The following DMD variants were observed in gnomAD, a reference collection of about 807,000 sequenced individuals.
DMD encodes the protein dystrophin, also known as mutant dystrophin.
In DMD, 63 loss-of-function variants were observed where a neutral mutation model predicts 330.1. The ratio of observed to expected loss-of-function variants is 0.19; its 90% confidence interval spans 0.16 to 0.24. The LOEUF is 0.24. DMD is among the 10% of genes least tolerant of loss of function. The pLI is 1.00. For missense variants in DMD, 3,344 were observed against 2,684.1 expected, an observed-to-expected ratio of 1.25 and a Z score of -5.43; for synonymous variants, 1,223 against 959.8, an observed-to-expected ratio of 1.27 and a Z score of -5.07.
At chrX:33,030,332 G>A (rs6628766) in intron 1 of DMD, among the ~76,000 whole-genome samples, 17,019 of 111,007 alleles carry the variant, frequency 0.15, 1,267 homozygotes, top group African/African-American at 0.28. Flanking sequence ...TTCTCGATTT[G>A]AAAGATAAAA....
Position 31,906,703 on chromosome X carries a change from T to A in DMD, c.6912+22893A>T, listed in dbSNP as rs569007866. On this transcript the variant is annotated intron_variant, in intron 47 of 78. Transcript: ENST00000357033. ...CTGTACAGTGAATTTTCCAGAGATA[T>A]CCTTGTATAACATAAGTCATCTAGT... 1.4e-4 allele frequency among the ~76,000 whole-genome samples: 15 copies of A among 110,981 alleles called. No homozygotes were observed. In the South Asian group the frequency reaches 5.5e-3, roughly 41 times the overall value.
intron 1 of DMD, among the ~76,000 whole-genome samples, chrX:33,233,736 G>A (rs1043539040): frequency 9.0e-5 from 10 of 111,498 alleles, no homozygotes; most frequent in African/African-American, 3.3e-4. Context: ...TTTGACTGTC[G>A]TGGTGGACGC....
chrX:31,277,305 C>A (rs1164253454), intron 62 of DMD, among the ~76,000 whole-genome samples: 1 of 111,366 alleles, frequency 9.0e-6, no homozygotes, highest in Admixed American at 9.6e-5. Context: ...AGTTTCATAT[C>A]CTTTAACCAG....
intron 1 of DMD, among the ~76,000 whole-genome samples, chrX:33,073,047 AACTG>A (rs1456282564): frequency 8.9e-6 from 1 of 112,276 alleles, no homozygotes; most frequent in Non-Finnish European, 1.9e-5. Flanking sequence ...TATCAGTTTT[AACTG>A]ATATACATAA....
intron 74 of DMD, among the ~76,000 whole-genome samples, chrX:31,165,100 A>ATAG (rs1166530724): frequency 8.9e-6 from 1 of 111,979 alleles, no homozygotes; most frequent in African/African-American, 3.2e-5. Context: ...ATGAAGATTG[A>ATAG]TAGCTACTAG....
At chrX:31,515,146 A>G (rs1489784308) in intron 55 of DMD, among the ~76,000 whole-genome samples, 2 of 111,697 alleles carry the variant, frequency 1.8e-5, no homozygotes, top group Non-Finnish European at 3.8e-5. Context: ...ATGTTTTACT[A>G]GAAGAAAAAT....
chrX:32,839,300 T>C (rs764802474), intron 4 of DMD, among the ~76,000 whole-genome samples: 2 of 111,544 alleles, frequency 1.8e-5, no homozygotes, highest in East Asian at 2.8e-4. Context: ...CTATAGACAA[T>C]TCCAAGGCTC....
intron 48 of DMD, among the ~76,000 whole-genome samples, chrX:31,863,218 C>T (rs2093739999): frequency 8.9e-6 from 1 of 112,209 alleles, no homozygotes. Context: ...TGGCGGGCGC[C>T]TGTAGTCCCA....
At position 32,645,004 on chromosome X, in the gene DMD, T is replaced by A. The variant is rs773299186; in HGVS notation, c.1109A>T (p.Asn370Ile). The A allele has an allele frequency of 6.6e-6, 8 of 1,209,928 alleles. No homozygotes were observed. The highest frequency in any genetic ancestry group is 8.9e-6 in the Non-Finnish European group (8 of 895,240). The change falls in exon 10 of 79, where the codon AAT becomes ATT. Residue 370 changes from asparagine (N) to isoleucine (I), a missense_variant. By Grantham distance (149) the Asn-to-Ile change is moderately radical. Transcript: ENST00000357033. ...DTLQAQGEIS[N>I]DVEVVKDQFH... ...CTGGTCTTTCACCACTTCCACATCA[T>A]TAGAAATCTCTCCTTGTGCTTGCAA...
chrX:31,389,120 T>C (rs2060585989), intron 60 of DMD, among the ~76,000 whole-genome samples: 1 of 112,366 alleles, frequency 8.9e-6, no homozygotes, highest in Admixed American at 9.5e-5. Flanking sequence ...TTCATTTTGA[T>C]CCTCTACATA....
At chrX:31,928,368 T>C (rs1044692885) in intron 47 of DMD, among the ~76,000 whole-genome samples, 4 of 110,655 alleles carry the variant, frequency 3.6e-5, no homozygotes, top group African/African-American at 1.3e-4. Flanking sequence ...ACTTTGGGAG[T>C]CCAAGGTGGG....
At chrX:32,944,881 C>T (rs2090691071) in intron 2 of DMD, among the ~76,000 whole-genome samples, 1 of 111,264 alleles carries the variant, frequency 9.0e-6, no homozygotes, top group Admixed American at 9.6e-5. Flanking sequence ...GCTGGGATTA[C>T]AGGCGTGAGA....
intron 44 of DMD, among the ~76,000 whole-genome samples, chrX:31,999,783 A>G (rs1347861037): frequency 9.0e-6 from 1 of 111,724 alleles, no homozygotes; most frequent in Non-Finnish European, 1.9e-5. Context: ...AGTGGATGAA[A>G]AGTGGTTCTG....
chrX:31,732,168 A>G (rs2086556425), intron 51 of DMD, among the ~76,000 whole-genome samples: 1 of 94,355 alleles, frequency 1.1e-5, no homozygotes, highest in African/African-American at 4.5e-5. Context: ...CAACTGCAGT[A>G]CAACTATGCA....
intron 60 of DMD, among the ~76,000 whole-genome samples, chrX:31,375,388 A>T (rs2059833843): frequency 9.0e-6 from 1 of 111,274 alleles, no homozygotes; most frequent in South Asian, 3.8e-4. Context: ...TATGACAATA[A>T]TCCTTCTGCA....
intron 1 of DMD, among the ~76,000 whole-genome samples, chrX:33,036,133 A>T (rs2094200165): frequency 9.0e-6 from 1 of 111,179 alleles, no homozygotes; most frequent in South Asian, 3.7e-4. Context: ...AAAGAGAGCG[A>T]GAGAGAGACA....
At chrX:33,036,651 T>C (rs1249302257) in intron 1 of DMD, among the ~76,000 whole-genome samples, 1 of 111,394 alleles carries the variant, frequency 9.0e-6, no homozygotes, top group Non-Finnish European at 1.9e-5. Context: ...AAAAATTCCA[T>C]ATTAAACCAC....
intron 9 of DMD, among the ~76,000 whole-genome samples, chrX:32,690,887 C>T (rs928870470): frequency 9.0e-6 from 1 of 111,328 alleles, no homozygotes; most frequent in African/African-American, 3.3e-5. Flanking sequence ...CCATAAAACT[C>T]CTAGAAGAAA....
intron 44 of DMD, among the ~76,000 whole-genome samples, chrX:32,111,616 T>C (rs1007096257): frequency 5.4e-5 from 6 of 111,746 alleles, no homozygotes; most frequent in Non-Finnish European, 1.1e-4. Flanking sequence ...AGGATAAGCC[T>C]AGATTGTCTA....
Sources: gnomAD v4.1 joint callset for allele counts (sites outside exome capture counted in the v4.1 genomes callset) on GRCh38, gnomAD v4.1.1 for gene constraint, MANE v1.5 for transcripts, NCBI Gene and HGNC (gene_info 2026-07-23, HGNC 2026-07-21) for gene names.